SYNE1: variants seen among roughly 807,000 people sequenced by gnomAD.
The protein encoded by SYNE1 is nesprin-1.
SYNE1 carries 616 observed loss-of-function variants against 1,111.0 expected under a neutral mutation model. The observed-to-expected ratio is 0.55, with a 90% CI of 0.52 to 0.59. The LOEUF (loss-of-function observed/expected upper bound fraction) is 0.59, where lower values mean the gene tolerates loss of function less well. SYNE1 is among the 20% of genes least tolerant of loss of function. The pLI is 0.00. For missense variants in SYNE1, 10,006 were observed against 10,417.0 expected, an observed-to-expected ratio of 0.96 and a Z score of 1.72; for synonymous variants, 3,855 against 3,825.8, an observed-to-expected ratio of 1.01 and a Z score of -0.28.
intron 104 of SYNE1, among the ~76,000 whole-genome samples, chr6:152,249,574 C>T (rs928878737): frequency 2.0e-5 from 3 of 152,146 alleles, no homozygotes; most frequent in Non-Finnish European, 4.4e-5. Flanking sequence ...TCAAACATTG[C>T]ACAGAAATAT....
At chr6:152,187,358 T>C (rs1438915826) in intron 128 of SYNE1, among the ~76,000 whole-genome samples, 1 of 152,212 alleles carries the variant, frequency 6.6e-6, no homozygotes, top group Admixed American at 6.5e-5. Flanking sequence ...GCTCTGAGCC[T>C]CTTAAACTCT....
At chr6:152,292,923 C>T (rs2153778801) in intron 95 of SYNE1, among the ~76,000 whole-genome samples, 1 of 152,258 alleles carries the variant, frequency 6.6e-6, no homozygotes, top group East Asian at 1.9e-4. Context: ...TAACAGCGTA[C>T]CTCATTAGAC....
In SYNE1 at chr6:152,455,901, A is replaced by T; in HGVS notation, c.2712T>A (p.Ile904=). 1 of 1,614,074 alleles carries T rather than the reference A, an allele frequency of 6.2e-7. No individual in the cohort carries two copies. Among genetic ancestry groups the T allele is most frequent in the East Asian group, 2.2e-5 (1 of 44,854 alleles). ...AGCAAATTACCTGAAAAGCAACATGAATATCTGCAATCTGTCTTTGTAGCC... is the reference window on the plus strand; with the variant it reads ...AGCAAATTACCTGAAAAGCAACATGTATATCTGCAATCTGTCTTTGTAGCC... The part of the protein sequence containing the change: ...QTRLQRQIAD[I]HVAFQSMVKK... The change falls in exon 23 of 146, where the codon ATT becomes ATA. Residue 904 remains isoleucine (I), a synonymous_variant. Coordinates refer to ENST00000367255, the MANE Select transcript of SYNE1 (RefSeq NM_182961.4).
chr6:152,128,473 A>G (rs1325478774), intron 145 of SYNE1: 2 of 152,254 alleles, frequency 1.3e-5, no homozygotes, highest in Non-Finnish European at 2.9e-5. Flanking sequence ...ATTCATATGT[A>G]GGTTTAAAAT....
chr6:152,362,586 G>A (rs572762145), intron 63 of SYNE1, among the ~76,000 whole-genome samples: 31 of 152,236 alleles, frequency 2.0e-4, no homozygotes, highest in Non-Finnish European at 1.5e-5. Flanking sequence ...AGCGGCTGGG[G>A]GGACACGAGA....
intron 104 of SYNE1, among the ~76,000 whole-genome samples, chr6:152,252,739 G>A (rs1052523793): frequency 6.6e-6 from 1 of 152,116 alleles, no homozygotes; most frequent in Non-Finnish European, 1.5e-5. Flanking sequence ...AACTAAATTG[G>A]AACACAAATA....
chr6:152,518,484 C>T (rs1398510107), intron 6 of SYNE1, among the ~76,000 whole-genome samples: 1 of 151,986 alleles, frequency 6.6e-6, no homozygotes, highest in Non-Finnish European at 1.5e-5. Context: ...GTCCCTGCTC[C>T]CCTTCTCCTT....
chr6:152,460,799 CTTTTTTTTTTTTTTTTTTTT>C (rs869295894), intron 21 of SYNE1, among the ~76,000 whole-genome samples: 1 of 67,538 alleles, frequency 1.5e-5, no homozygotes, highest in African/African-American at 6.1e-5. Flanking sequence ...TGTATATAAT[CTTTTTTTTTTTTTTTTTTTT>C]TTTTTTTTTG....
At chr6:152,520,331 T>TA in intron 6 of SYNE1, 128 bp downstream of exon 6, 1 of 914,798 alleles carries the variant, frequency 1.1e-6, no homozygotes. Context: ...AATACAATGA[T>TA]ATTGTATGTC....
chr6:152,600,996 C>T (rs2099594855), intron 3 of SYNE1, among the ~76,000 whole-genome samples: 1 of 152,202 alleles, frequency 6.6e-6, no homozygotes, highest in Non-Finnish European at 1.5e-5. Flanking sequence ...CACGTATTTA[C>T]AATGTCTTAA....
intron 3 of SYNE1, among the ~76,000 whole-genome samples, chr6:152,558,211 T>C (rs1245821779): frequency 6.6e-6 from 1 of 151,946 alleles, no homozygotes; most frequent in East Asian, 1.9e-4. Context: ...TACATAAAGA[T>C]AAAGGAATTA....
chr6:152,377,626 AAAAAAAAAAAAAAAAT>A (rs2097308944), intron 56 of SYNE1, among the ~76,000 whole-genome samples: 3 of 107,728 alleles, frequency 2.8e-5, no homozygotes, highest in Non-Finnish European at 5.3e-5. Context: ...AAAAAAAAAA[AAAAAAAAAAAAAAAAT>A]ATATATATAT....
At chr6:152,355,121 T>C (rs935466555) in intron 66 of SYNE1, 145 bp from the exon 67 acceptor site, 3 of 842,540 alleles carry the variant, frequency 3.6e-6, no homozygotes, top group East Asian at 2.7e-5. Flanking sequence ...CAAAAATATG[T>C]CCCTAACCAT....
At chr6:152,554,995 C>T (rs911307471) in intron 3 of SYNE1, among the ~76,000 whole-genome samples, 12 of 152,114 alleles carry the variant, frequency 7.9e-5, no homozygotes, top group Admixed American at 3.3e-4. Flanking sequence ...CTCAAATCAC[C>T]AGAAGGTAAT....
chr6:152,278,473 TA>T (rs1415233977), intron 97 of SYNE1, among the ~76,000 whole-genome samples, 193 bp from the exon 98 acceptor site: 2 of 152,054 alleles, frequency 1.3e-5, no homozygotes, highest in African/African-American at 2.4e-5. Flanking sequence ...AATTTATTTT[TA>T]TTTTTTTAGA....
chr6:152,584,249 A>G (rs2099529929), intron 3 of SYNE1, among the ~76,000 whole-genome samples: 1 of 152,124 alleles, frequency 6.6e-6, no homozygotes, highest in Non-Finnish European at 1.5e-5. Context: ...TTCAATAAAT[A>G]TGGAGAGAGA....
chr6:152,529,387 A>T (rs6939121), intron 4 of SYNE1, among the ~76,000 whole-genome samples: 10,707 of 152,178 alleles, frequency 0.07, 1,288 homozygotes, highest in African/African-American at 0.24. Context: ...TGGGCCCATC[A>T]TATTCTCTGC....
intron 51 of SYNE1, 36 bp downstream of exon 51, chr6:152,395,480 A>G (rs1212542579): frequency 1.3e-6 from 2 of 1,596,936 alleles, no homozygotes; most frequent in East Asian, 2.2e-5. Flanking sequence ...AAAACATGGT[A>G]AGAGGTAAAG....
At chr6:152,256,366 G>A (rs982387201) in intron 102 of SYNE1, among the ~76,000 whole-genome samples, 10 of 152,130 alleles carry the variant, frequency 6.6e-5, no homozygotes, top group African/African-American at 2.2e-4. Context: ...GGAGGCGGAG[G>A]TTGCAATGAG....
Sources: gnomAD v4.1 joint callset for allele counts (sites outside exome capture counted in the v4.1 genomes callset) on GRCh38, gnomAD v4.1.1 for gene constraint, MANE v1.5 for transcripts, NCBI Gene and HGNC (gene_info 2026-07-23, HGNC 2026-07-21) for gene names.